The following NBAS variants were observed in gnomAD, a reference collection of about 807,000 sequenced individuals.
The protein encoded by NBAS is NBAS subunit of NRZ tethering complex.
Under a neutral mutation model 302.5 loss-of-function variants are expected in NBAS, and 219 were observed. The ratio of observed to expected loss-of-function variants is 0.72; its 90% CI spans 0.65 to 0.81. The LOEUF is 0.81. NBAS is among the 30% of genes least tolerant of loss of function. The pLI is 0.00. For synonymous variants in NBAS, 1,118 were observed against 1,021.6 expected, an observed-to-expected ratio of 1.09 and a Z score of -1.80; for missense variants, 2,932 against 2,841.6, an observed-to-expected ratio of 1.03 and a Z score of -0.72.
At chr2:15,439,652 G>A (rs1678239199) in intron 21 of NBAS, among the ~76,000 whole-genome samples, 1 of 152,124 alleles carries the variant, frequency 6.6e-6, no homozygotes, top group African/African-American at 2.4e-5. Flanking sequence ...CAGACAGTGG[G>A]CGCAGGTCAG....
At chr2:14,951,287 C>T in the NBAS span, among the ~76,000 whole-genome samples, 1 of 152,222 alleles carries the variant, frequency 6.6e-6, no homozygotes, top group Non-Finnish European at 1.5e-5. Context: ...AATCATACCA[C>T]ATGCTCGACC....
intron 9 of NBAS, among the ~76,000 whole-genome samples, chr2:15,530,950 G>T (rs1369824961): frequency 6.6e-6 from 1 of 151,750 alleles, no homozygotes; most frequent in African/African-American, 2.4e-5. Flanking sequence ...AAGAAAGAAA[G>T]AAACATGGAT....
Position 15,218,907 on chromosome 2 carries a change from C to G in NBAS, c.6298G>C (p.Ala2100Pro). The change falls in exon 48 of 52, where the codon GCC becomes CCC. Residue 2100 changes from alanine to proline, a missense_variant. Ala to Pro is a conservative substitution (Grantham distance 27). Transcript: ENST00000281513. ...EWLRPFCADD[A>P]WPVRPRIHVL... ...TGAATGCGGGGCCGCACCGGCCAGG[C>G]GTCATCAGCACAGAAAGGCCGCAGC... The G allele has an allele frequency of 1.2e-6, 2 of 1,614,254 alleles. No individual in the cohort carries two copies. Among genetic ancestry groups the G allele is most frequent in the South Asian group, 1.1e-5 (1 of 91,088 alleles).
chr2:15,452,370 T>C (rs111567304), intron 21 of NBAS, among the ~76,000 whole-genome samples: 15,936 of 151,800 alleles, frequency 0.1, 2,646 homozygotes, highest in African/African-American at 0.35. Flanking sequence ...CCGAGGCGGG[T>C]GGATCTCAAG....
At chr2:15,259,946 A>G (rs1223547717) in intron 44 of NBAS, among the ~76,000 whole-genome samples, 14 of 91,636 alleles carry the variant, frequency 1.5e-4, no homozygotes. Context: ...TTTAAAAAGT[A>G]TCTGGCTTTC....
chr2:15,509,122 T>C (rs1374441864), intron 10 of NBAS, among the ~76,000 whole-genome samples: 3 of 152,192 alleles, frequency 2.0e-5, no homozygotes, highest in East Asian at 3.8e-4. Flanking sequence ...GTGTCTAATA[T>C]GTACGAGTAA....
chr2:15,052,821 A>T, the NBAS span, among the ~76,000 whole-genome samples: 4 of 152,256 alleles, frequency 2.6e-5, no homozygotes, highest in East Asian at 7.7e-4. Context: ...GAATTTAAAA[A>T]TTTAAATTTC....
chr2:14,912,376 A>T, the NBAS span, among the ~76,000 whole-genome samples: 1 of 152,210 alleles, frequency 6.6e-6, no homozygotes. Context: ...GTCATTAATT[A>T]TAGAAAAGCC....
At chr2:15,515,490 G>A (rs1330323642) in intron 9 of NBAS, among the ~76,000 whole-genome samples, 1 of 152,136 alleles carries the variant, frequency 6.6e-6, no homozygotes, top group Non-Finnish European at 1.5e-5. Flanking sequence ...CACCACTTCA[G>A]CCTGAGTGAT....
At chr2:15,496,607 G>A in intron 11 of NBAS, among the ~76,000 whole-genome samples, 1 of 151,894 alleles carries the variant, frequency 6.6e-6, no homozygotes, top group African/African-American at 2.4e-5. Flanking sequence ...GAGAGAGGGA[G>A]GGAGAAGGAG....
chr2:14,994,220 G>A, the NBAS span, among the ~76,000 whole-genome samples: 3 of 152,162 alleles, frequency 2.0e-5, no homozygotes, highest in Non-Finnish European at 4.4e-5. Flanking sequence ...ATTGCCTTAA[G>A]CTTAAAACCG....
chr2:15,475,667 C>T lies in NBAS; in HGVS notation c.1341+20G>A. 1 of 1,612,420 alleles carries T rather than the reference C, an allele frequency of 6.2e-7. No individual in the cohort carries two copies. The highest frequency in any genetic ancestry group is 8.5e-7 in the Non-Finnish European group (1 of 1,178,610). On this transcript the variant is annotated intron_variant, in intron 14 of 51. Coordinates refer to ENST00000281513, the MANE Select transcript of NBAS (RefSeq NM_015909.4). ...GGTTAAATACATAACTATTCTCAAA[C>T]AAACAGGAAAAAGCCTTACCTCCAA...
chr2:14,991,557 C>T, the NBAS span, among the ~76,000 whole-genome samples: 3 of 152,290 alleles, frequency 2.0e-5, no homozygotes, highest in South Asian at 2.1e-4. Flanking sequence ...TTAGAAACAC[C>T]GGGAGAGCTG....
chr2:14,956,878 C>T, the NBAS span, among the ~76,000 whole-genome samples: 2 of 152,044 alleles, frequency 1.3e-5, no homozygotes, highest in Non-Finnish European at 2.9e-5. Flanking sequence ...GAGGTATGCT[C>T]CCCCAAAATT....
At position 15,185,214 on chromosome 2, in the gene NBAS, T is replaced by C. The variant is rs1665019982; in HGVS notation, c.6711+1528A>G. Among the ~76,000 whole-genome samples the C allele has an allele frequency of 2.0e-5, 3 of 152,188 alleles. No individual in the cohort carries two copies. The South Asian group carries it at 6.2e-4, about 31-fold the overall frequency. Reference sequence around the variant, plus strand: ...ACCCTCCAATCCATCAGCTGTCAAGTGGAGATAAATGAATCTCCTTACAGA... The same window carrying C: ...ACCCTCCAATCCATCAGCTGTCAAGCGGAGATAAATGAATCTCCTTACAGA... On this transcript the variant is annotated intron_variant, in intron 50 of 51. Coordinates refer to ENST00000281513, the MANE Select transcript of NBAS (RefSeq NM_015909.4).
chr2:15,298,340 CA>C lies in NBAS; in HGVS notation c.4798-5575del, dbSNP rs142024484. 6.7e-3 allele frequency among the ~76,000 whole-genome samples: 1,016 copies of C among 152,184 alleles called. 18 individuals are homozygous for C. Among genetic ancestry groups the C allele is most frequent in the African/African-American group, 0.024 (980 of 41,512 alleles). On this transcript the variant is annotated intron_variant, in intron 40 of 51. Coordinates refer to ENST00000281513, the MANE Select transcript of NBAS (RefSeq NM_015909.4). ...AAAACATGATACTGAGAAGAACTTA[CA>C]AAAATGAGAGGAGACAATTTCTCAC...
intron 44 of NBAS, among the ~76,000 whole-genome samples, chr2:15,247,374 T>C (rs1668139262): frequency 6.6e-6 from 1 of 152,128 alleles, no homozygotes; most frequent in African/African-American, 2.4e-5. Flanking sequence ...TGGATCAAAC[T>C]TATACATAAC....
chr2:14,993,463 C>T, the NBAS span, among the ~76,000 whole-genome samples: 1 of 152,170 alleles, frequency 6.6e-6, no homozygotes, highest in Non-Finnish European at 1.5e-5. Context: ...TCCAGCCATT[C>T]CATTCTTATT....
At chr2:15,187,143 C>CT (rs1665126822) in intron 49 of NBAS, among the ~76,000 whole-genome samples, 1 of 152,020 alleles carries the variant, frequency 6.6e-6, no homozygotes, top group African/African-American at 2.4e-5. Flanking sequence ...AGACTCGGGC[C>CT]CAAATTCTGA....
Sources: allele counts gnomAD v4.1 joint callset (sites outside exome capture counted in the v4.1 genomes callset), GRCh38; gene constraint gnomAD v4.1.1; transcripts MANE v1.5; gene names NCBI Gene and HGNC (gene_info 2026-07-23, HGNC 2026-07-21).